Variants in MSRA observed in about 807,000 individuals in gnomAD.
MSRA encodes the protein methionine sulfoxide reductase A.
In MSRA, 54 loss-of-function variants were observed where a neutral mutation model predicts 31.3. The observed-to-expected ratio is 1.73, with a 90% confidence interval of 1.39 to 2.17. The LOEUF is 2.17. MSRA is among the 30% of genes most tolerant of loss of function. The pLI is 0.00. For missense variants in MSRA, 507 were observed against 300.9 expected (o/e 1.69, Z -5.07); for synonymous variants, 169 against 116.5 (o/e 1.45, Z -2.90).
At chr8:10,353,170 G>A (rs141727843) in intron 5 of MSRA, among the ~76,000 whole-genome samples, 62 of 152,274 alleles carry the variant, frequency 4.1e-4, no homozygotes, top group African/African-American at 1.3e-3. Context: ...AGAATTGTGA[G>A]GCAAAGCAAT....
intron 2 of MSRA, among the ~76,000 whole-genome samples, chr8:10,216,570 C>T (rs76551996): frequency 0.023 from 3,447 of 152,276 alleles, 76 homozygotes; most frequent in East Asian, 0.12. Context: ...CACTAAACAC[C>T]GTCTAGTCCT....
intron 5 of MSRA, among the ~76,000 whole-genome samples, chr8:10,383,475 C>G (rs1222126975): frequency 1.3e-5 from 2 of 152,062 alleles, no homozygotes; most frequent in Non-Finnish European, 2.9e-5. Flanking sequence ...CAATTTGGTT[C>G]CTGCGGCTTA....
intron 1 of MSRA, among the ~76,000 whole-genome samples, chr8:10,067,575 G>C (rs1340512647): frequency 6.6e-6 from 1 of 152,120 alleles, no homozygotes; most frequent in Non-Finnish European, 1.5e-5. Context: ...GGGTTGTATG[G>C]TATATGTAGT....
intron 2 of MSRA, among the ~76,000 whole-genome samples, chr8:10,210,651 A>G (rs1177857355): frequency 6.6e-6 from 1 of 152,118 alleles, no homozygotes; most frequent in African/African-American, 2.4e-5. Context: ...CAAAACAGTG[A>G]TGGCACTTGT....
intron 5 of MSRA, among the ~76,000 whole-genome samples, chr8:10,366,192 GAGA>G (rs1805155321): frequency 6.6e-6 from 1 of 152,246 alleles, no homozygotes; most frequent in South Asian, 2.1e-4. Context: ...AAGAGAGAAA[GAGA>G]AGAGGCTTCA....
intron 5 of MSRA, among the ~76,000 whole-genome samples, chr8:10,395,238 G>T (rs1563431439): frequency 6.6e-6 from 1 of 152,122 alleles, no homozygotes; most frequent in African/African-American, 2.4e-5. Flanking sequence ...ACAAGCAGTG[G>T]AAGCATGTGT....
intron 1 of MSRA, among the ~76,000 whole-genome samples, chr8:10,169,422 T>C (rs1324888721): frequency 6.6e-6 from 1 of 152,260 alleles, no homozygotes; most frequent in Admixed American, 6.5e-5. Context: ...TTTATTACTG[T>C]TTGCTTATTT....
intron 1 of MSRA, among the ~76,000 whole-genome samples, chr8:10,080,138 G>T (rs1308965269): frequency 3.9e-5 from 6 of 152,142 alleles, no homozygotes; most frequent in Admixed American, 3.3e-4. Context: ...GGCAAAGGCA[G>T]AGAAAGAAGA....
rs1023574520 is a variant in MSRA at position 10,097,564 on chromosome 8, A to G, written c.142+42906A>G. 4.6e-5 allele frequency among the ~76,000 whole-genome samples: 7 copies of G among 152,188 alleles called. No homozygotes were observed. The East Asian group carries it at 1.2e-3, about 25-fold the overall frequency. On this transcript the variant is annotated intron_variant, in intron 1 of 5. Coordinates refer to ENST00000317173, the MANE Select transcript of MSRA (RefSeq NM_012331.5). ...ATACTGACCGTCTTATTGCCGATTT[A>G]TATTTACTTCCATTTACTTCTTAAA...
At chr8:10,190,387 C>T (rs1430785637) in intron 1 of MSRA, among the ~76,000 whole-genome samples, 1 of 152,190 alleles carries the variant, frequency 6.6e-6, no homozygotes, top group South Asian at 2.1e-4. Context: ...CAGATGATTC[C>T]AAGGCCTCCT....
intron 5 of MSRA, among the ~76,000 whole-genome samples, chr8:10,425,702 G>A (rs545831569): frequency 4.6e-5 from 7 of 152,336 alleles, no homozygotes; most frequent in East Asian, 1.9e-4. Context: ...CTCAGCAGGC[G>A]GTGTCAGCCG....
chr8:10,347,854 G>T (rs574463887), intron 5 of MSRA, among the ~76,000 whole-genome samples: 2 of 152,026 alleles, frequency 1.3e-5, no homozygotes, highest in African/African-American at 4.8e-5. Flanking sequence ...TACCACCTCC[G>T]CAGCTTAAAC....
chr8:10,081,026 G>A (rs1798267322), intron 1 of MSRA, among the ~76,000 whole-genome samples: 1 of 152,236 alleles, frequency 6.6e-6, no homozygotes, highest in African/African-American at 2.4e-5. Context: ...CTAGGGAGAT[G>A]CCTGGGCAGG....
chr8:10,226,705 A>G (rs1563241780), intron 2 of MSRA, among the ~76,000 whole-genome samples: 1 of 151,940 alleles, frequency 6.6e-6, no homozygotes, highest in Non-Finnish European at 1.5e-5. Flanking sequence ...GTATATATAT[A>G]TGTTTGTTTG....
intron 1 of MSRA, among the ~76,000 whole-genome samples, chr8:10,111,623 C>T (rs1269715337): frequency 6.6e-6 from 1 of 152,042 alleles, no homozygotes; most frequent in African/African-American, 2.4e-5. Context: ...ATATGAATGC[C>T]TAGGTATTTT....
chr8:10,144,395 A>T (rs1380295260), intron 1 of MSRA, among the ~76,000 whole-genome samples: 1 of 152,178 alleles, frequency 6.6e-6, no homozygotes, highest in Admixed American at 6.5e-5. Flanking sequence ...CCAGCGTAAT[A>T]GTAGTACCTA....
intron 1 of MSRA, among the ~76,000 whole-genome samples, chr8:10,079,755 C>A (rs1164182927): frequency 6.6e-6 from 1 of 152,208 alleles, no homozygotes; most frequent in African/African-American, 2.4e-5. Flanking sequence ...TCCCTGTCAA[C>A]TGGGCTTCTT....
chr8:10,410,968 C>CGG (rs1808120138), intron 5 of MSRA: 1 of 152,178 alleles, frequency 6.6e-6, no homozygotes, highest in Non-Finnish European at 1.5e-5. Flanking sequence ...TCCTCCCCCA[C>CGG]ACCCATTTTT....
intron 1 of MSRA, among the ~76,000 whole-genome samples, chr8:10,064,214 G>A (rs890874758): frequency 2.6e-5 from 4 of 152,130 alleles, no homozygotes; most frequent in African/African-American, 4.8e-5. Flanking sequence ...TGCCCTCTCC[G>A]TTCAGTGAGA....
Sources: gnomAD v4.1 joint callset for allele counts (sites outside exome capture counted in the v4.1 genomes callset) on GRCh38, gnomAD v4.1.1 for gene constraint, MANE v1.5 for transcripts, NCBI Gene and HGNC (gene_info 2026-07-23, HGNC 2026-07-21) for gene names.